Variants in NCAM2 observed in about 807,000 individuals in gnomAD.
The protein encoded by NCAM2 is N-CAM-2.
In NCAM2, 30 loss-of-function variants were observed where a neutral mutation model predicts 98.1. The observed-to-expected ratio is 0.31, with a 90% CI of 0.23 to 0.41. The LOEUF is 0.41. Among genes scored for constraint, NCAM2 ranks in the 10% least tolerant of loss-of-function variants. NCAM2 has a pLI of 1.00. For synonymous variants in NCAM2, 368 were observed against 342.4 expected, an observed-to-expected ratio of 1.07 and a Z score of -0.83; for missense variants, 867 against 1,005.8, an observed-to-expected ratio of 0.86 and a Z score of 1.87.
At position 21,540,378 on chromosome 21, in the gene NCAM2, T is replaced by G. The variant is rs1456446918; in HGVS notation, c.*2421T>G. The G allele has an allele frequency of 6.6e-6, 1 of 151,696 alleles. No individual in the cohort carries two copies. Among genetic ancestry groups the G allele is most frequent in the Non-Finnish European group, 1.5e-5 (1 of 67,886 alleles). 9.4% of individuals were successfully genotyped at this position (151,696 alleles called of 1,614,324 possible). On this transcript the variant is annotated 3_prime_UTR_variant, in exon 18 of 18. Coordinates refer to ENST00000400546, the MANE Select transcript of NCAM2 (RefSeq NM_004540.5). Reference sequence around the variant, plus strand: ...ACAGATAATCTGAAGCTAATTATATTCAGACTATTTCAAGTGCACTGTTTC... The same window carrying G: ...ACAGATAATCTGAAGCTAATTATATGCAGACTATTTCAAGTGCACTGTTTC...
intron 1 of NCAM2, among the ~76,000 whole-genome samples, chr21:21,011,125 A>G (rs993465657): frequency 3.3e-5 from 5 of 151,448 alleles, no homozygotes; most frequent in African/African-American, 1.2e-4. Flanking sequence ...ATTGAATGAA[A>G]GAAGGAAACC....
In NCAM2 at chr21:21,120,740, G is replaced by A. The variant is rs189452647; in HGVS notation, c.55+122122G>A. On this transcript the variant is annotated intron_variant, in intron 1 of 17. Transcript: ENST00000400546. ...GTGGGTTTTTTTTTTTTTTCTTTGA[G>A]ATGGAGTCTCTCTCTGTCACCAGGC... Among the ~76,000 whole-genome samples the A allele has an allele frequency of 3.5e-5, 5 of 144,088 alleles. No individual in the cohort carries two copies. In the East Asian group the frequency reaches 1.0e-3, roughly 30 times the overall value. The allele number at this position is 144,088 out of a possible 152,430, so 94.5% of individuals were successfully genotyped here.
At chr21:21,026,349 G>T (rs1231952399) in intron 1 of NCAM2, among the ~76,000 whole-genome samples, 2 of 152,330 alleles carry the variant, frequency 1.3e-5, no homozygotes, top group Admixed American at 6.5e-5. Flanking sequence ...TTATCTCCAT[G>T]AAAACTTACT....
chr21:21,448,632 T>C (rs971363772), intron 12 of NCAM2, among the ~76,000 whole-genome samples: 5 of 152,004 alleles, frequency 3.3e-5, no homozygotes, highest in African/African-American at 4.8e-5. Flanking sequence ...TCTACTAGAG[T>C]ATTTTCTATG....
chr21:21,355,302 G>T (rs999570593), intron 8 of NCAM2, among the ~76,000 whole-genome samples: 1 of 151,300 alleles, frequency 6.6e-6, no homozygotes, highest in Non-Finnish European at 1.5e-5. Flanking sequence ...GAGCCTGGTG[G>T]TGTGCACCTG....
intron 14 of NCAM2, among the ~76,000 whole-genome samples, chr21:21,473,625 C>T (rs941898419): frequency 1.3e-5 from 2 of 151,784 alleles, no homozygotes; most frequent in South Asian, 4.1e-4. Context: ...CTCACCTTCT[C>T]TATTGTCCTC....
intron 1 of NCAM2, among the ~76,000 whole-genome samples, chr21:21,117,232 G>A (rs983915086): frequency 2.6e-5 from 4 of 152,062 alleles, no homozygotes; most frequent in African/African-American, 4.8e-5. Flanking sequence ...CATGCTCACA[G>A]CTTGGCAATC....
In NCAM2 at chr21:21,311,636, C is replaced by T. The variant is rs191039169; in HGVS notation, c.620-12747C>T. On this transcript the variant is annotated intron_variant, in intron 5 of 17. Transcript: ENST00000400546. Reference sequence around the variant, plus strand: ...GATTACAGGCGTGATCCACTGCGCCCGGCCCATGGTATGACTTCTTATTTA... The same window carrying T: ...GATTACAGGCGTGATCCACTGCGCCTGGCCCATGGTATGACTTCTTATTTA... 1.5e-3 allele frequency among the ~76,000 whole-genome samples: 229 copies of T among 152,210 alleles called. 2 individuals carry two copies. Among genetic ancestry groups the T allele is most frequent in the African/African-American group, 5.3e-3 (219 of 41,546 alleles).
intron 12 of NCAM2, among the ~76,000 whole-genome samples, chr21:21,436,505 T>A (rs1288801477): frequency 6.6e-6 from 1 of 152,210 alleles, no homozygotes; most frequent in Non-Finnish European, 1.5e-5. Context: ...ATATAACATA[T>A]TATATTTTAT....
intron 2 of NCAM2, among the ~76,000 whole-genome samples, chr21:21,283,358 T>C (rs995707177): frequency 1.3e-5 from 2 of 151,938 alleles, no homozygotes; most frequent in African/African-American, 2.4e-5. Flanking sequence ...ATAAATGATA[T>C]CTGAAGTAAT....
intron 1 of NCAM2, among the ~76,000 whole-genome samples, chr21:21,262,802 C>T (rs895945248): frequency 7.2e-5 from 11 of 152,200 alleles, no homozygotes; most frequent in African/African-American, 2.6e-4. Flanking sequence ...CACAGTTCCA[C>T]GTGGCTGGGG....
At chr21:21,052,113 G>A (rs568643293) in intron 1 of NCAM2, among the ~76,000 whole-genome samples, 4 of 147,262 alleles carry the variant, frequency 2.7e-5, no homozygotes, top group Non-Finnish European at 4.5e-5. Flanking sequence ...CAGGATTTTC[G>A]TAAGCTGTAT....
chr21:21,267,490 A>G (rs1288323247), intron 1 of NCAM2, among the ~76,000 whole-genome samples: 2 of 152,194 alleles, frequency 1.3e-5, no homozygotes, highest in Non-Finnish European at 2.9e-5. Context: ...CATGTCAGTC[A>G]ACATCATCAA....
chr21:21,146,743 G>A (rs1056197342), intron 1 of NCAM2, among the ~76,000 whole-genome samples: 4 of 151,936 alleles, frequency 2.6e-5, no homozygotes, highest in East Asian at 1.9e-4. Flanking sequence ...TTCATGCTAC[G>A]GGTTTTAAAT....
At chr21:21,324,337 G>A (rs76287751) in intron 5 of NCAM2, 46 bp from the exon 6 acceptor site, 8 of 1,376,236 alleles carry the variant, frequency 5.8e-6, no homozygotes, top group Non-Finnish European at 8.1e-6. Flanking sequence ...TGATGGTAGT[G>A]AAGGTGTTTT....
intron 9 of NCAM2, chr21:21,385,495 A>G (rs2076252313): frequency 4.1e-6 from 2 of 488,288 alleles, no homozygotes; most frequent in African/African-American, 4.0e-5. Context: ...AGTAGAAAAG[A>G]GTCAAACCAT....
At chr21:21,391,014 A>G (rs2076368993) in intron 9 of NCAM2, among the ~76,000 whole-genome samples, 1 of 152,166 alleles carries the variant, frequency 6.6e-6, no homozygotes, top group Non-Finnish European at 1.5e-5. Flanking sequence ...AGAAAATGGT[A>G]TTTCTGTATA....
intron 12 of NCAM2, among the ~76,000 whole-genome samples, chr21:21,442,986 T>G (rs1042692055): frequency 1.3e-5 from 2 of 152,160 alleles, no homozygotes; most frequent in Non-Finnish European, 2.9e-5. Flanking sequence ...TACAAAAATT[T>G]TCCTGCTTTC....
chr21:21,215,246 CA>C (rs1460062804), intron 1 of NCAM2, among the ~76,000 whole-genome samples: 1 of 152,104 alleles, frequency 6.6e-6, no homozygotes, highest in East Asian at 1.9e-4. Context: ...AGGCATACTG[CA>C]TCAGAACCTT....
Sources: allele counts gnomAD v4.1 joint callset (sites outside exome capture counted in the v4.1 genomes callset), GRCh38; gene constraint gnomAD v4.1.1; transcripts MANE v1.5; gene names NCBI Gene and HGNC (gene_info 2026-07-23, HGNC 2026-07-21).